Variants in EMSY observed in about 807,000 individuals in gnomAD.
EMSY encodes BRCA2-interacting transcriptional repressor EMSY.
In EMSY, 26 loss-of-function variants were observed where a neutral mutation model predicts 134.6. The observed-to-expected ratio is 0.19, with a 90% CI of 0.14 to 0.27. The LOEUF is 0.27. Among genes scored for constraint, EMSY ranks in the 10% least tolerant of loss-of-function variants. The pLI is 1.00. For missense variants in EMSY, 1,305 were observed against 1,611.4 expected (o/e 0.81, Z 3.26); for synonymous variants, 579 against 577.8 (o/e 1.00, Z -0.03).
intron 3 of EMSY, 140 bp from the exon 4 acceptor site, chr11:76,453,174 T>C (rs566316115): frequency 1.8e-4 from 108 of 600,582 alleles, no homozygotes; most frequent in Non-Finnish European, 2.4e-4. Flanking sequence ...AAGATATATA[T>C]ATTAGACTCC....
At chr11:76,494,834 C>G (rs987048108) in intron 8 of EMSY, among the ~76,000 whole-genome samples, 2 of 152,046 alleles carry the variant, frequency 1.3e-5, no homozygotes, top group Admixed American at 1.3e-4. Context: ...TTCCCAGGTT[C>G]AAGAGATTCT....
chr11:76,486,379 A>G (rs770451677), intron 8 of EMSY, among the ~76,000 whole-genome samples: 65 of 152,228 alleles, frequency 4.3e-4, no homozygotes, highest in Non-Finnish European at 6.8e-4. Flanking sequence ...CTGCACATCT[A>G]TCCCAGAACT....
chr11:76,549,879 T>TTC, intron 20 of EMSY, 73 bp from the exon 22 acceptor site: 1 of 1,316,670 alleles, frequency 7.6e-7, no homozygotes, highest in Non-Finnish European at 1.0e-6. Flanking sequence ...TTTTTTTTTT[T>TTC]CTTGATATTG....
chr11:76,542,103 A>G, intron 17 of EMSY, 113 bp from the exon 19 acceptor site: 1 of 1,380,666 alleles, frequency 7.2e-7, no homozygotes, highest in Non-Finnish European at 1.0e-6. Context: ...CTAGTTCACA[A>G]TACTACACTT....
At chr11:76,446,272 A>G (rs752056881) in intron 1 of EMSY, among the ~76,000 whole-genome samples, 2 of 151,166 alleles carry the variant, frequency 1.3e-5, no homozygotes, top group Non-Finnish European at 2.9e-5. Context: ...TACAGGATCA[A>G]AATTCATATT....
At chr11:76,485,292 C>T (rs938842363) in intron 8 of EMSY, among the ~76,000 whole-genome samples, 1 of 152,130 alleles carries the variant, frequency 6.6e-6, no homozygotes, top group Non-Finnish European at 1.5e-5. Flanking sequence ...ATGAAAAAAT[C>T]CTCAATAAAA....
intron 9 of EMSY, among the ~76,000 whole-genome samples, chr11:76,502,839 ATTG>A (rs1350437562): frequency 3.3e-5 from 5 of 152,196 alleles, no homozygotes; most frequent in African/African-American, 1.2e-4. Flanking sequence ...AAGATTTAAC[ATTG>A]TTAAGATGAC....
intron 9 of EMSY, among the ~76,000 whole-genome samples, chr11:76,501,675 T>A (rs74237463): frequency 0.01 from 1,557 of 152,048 alleles, 28 homozygotes; most frequent in East Asian, 0.059. Flanking sequence ...TGAAGAAAAG[T>A]TAACAGAGCT....
At chr11:76,544,162 T>C in intron 18 of EMSY, 97 bp from the exon 20 acceptor site, 1 of 1,272,980 alleles carries the variant, frequency 7.9e-7, no homozygotes, top group Non-Finnish European at 1.1e-6. Context: ...CTGAAAATTT[T>C]TGAGTGAATC....
chr11:76,550,190 A>G lies in EMSY; in HGVS notation c.*44A>G, dbSNP rs1212552882. ...CACTTTAAAACCTGCTTGGTTACCAAGTGTCCAGGGAAACCCTTGTATTTT... is the reference window on the plus strand; with the variant it reads ...CACTTTAAAACCTGCTTGGTTACCAGGTGTCCAGGGAAACCCTTGTATTTT... On this transcript the variant is annotated 3_prime_UTR_variant, in exon 21 of 21. Transcript: ENST00000334736. 5 of 1,476,882 alleles carry G rather than the reference A, an allele frequency of 3.4e-6. No individual in the cohort carries two copies. In the African/African-American group the frequency reaches 7.1e-5, roughly 21 times the overall value. 91.5% of individuals were successfully genotyped at this position (1,476,882 alleles called of 1,614,324 possible). A position where few individuals can be genotyped will look rare whatever the true frequency, so the allele number is the denominator to read the frequency against.
chr11:76,517,347 A>G (rs910548717), intron 11 of EMSY, among the ~76,000 whole-genome samples: 2 of 152,216 alleles, frequency 1.3e-5, no homozygotes, highest in African/African-American at 4.8e-5. Context: ...CCAGTAGGGA[A>G]AGAATCATTG....
intron 6 of EMSY, among the ~76,000 whole-genome samples, chr11:76,461,855 C>T (rs1420342265): frequency 6.6e-6 from 1 of 151,912 alleles, no homozygotes; most frequent in Non-Finnish European, 1.5e-5. Flanking sequence ...TCACTTGAAC[C>T]TGGGAGGCAG....
At chr11:76,488,011 G>A (rs1949259732) in intron 8 of EMSY, among the ~76,000 whole-genome samples, 1 of 151,952 alleles carries the variant, frequency 6.6e-6, no homozygotes, top group Admixed American at 6.6e-5. Flanking sequence ...AATGTTCTTT[G>A]AACTTCATAT....
chr11:76,461,472 C>G (rs1379299519), intron 6 of EMSY, among the ~76,000 whole-genome samples: 1 of 152,128 alleles, frequency 6.6e-6, no homozygotes, highest in Non-Finnish European at 1.5e-5. Flanking sequence ...TTTCATGTTT[C>G]TCACTTGATT....
chr11:76,445,843 C>T (rs890857594), intron 1 of EMSY, among the ~76,000 whole-genome samples: 4 of 152,160 alleles, frequency 2.6e-5, no homozygotes, highest in Non-Finnish European at 2.9e-5. Context: ...CTCCTCCCCA[C>T]CCCTTTTCTT....
chr11:76,522,475 C>G (rs1484848343), intron 11 of EMSY, among the ~76,000 whole-genome samples: 1 of 130,888 alleles, frequency 7.6e-6, no homozygotes, highest in African/African-American at 2.8e-5. Context: ...TCAAGCAATT[C>G]TTTTGCCTCA....
At chr11:76,449,910 T>C (rs1043512875) in intron 2 of EMSY, among the ~76,000 whole-genome samples, 6 of 152,234 alleles carry the variant, frequency 3.9e-5, no homozygotes, top group Admixed American at 2.6e-4. Flanking sequence ...ATTAGTAGTT[T>C]GGTTTGAGTT....
intron 7 of EMSY, 96 bp from the exon 9 acceptor site, chr11:76,472,468 C>T (rs1173499380): frequency 1.7e-6 from 2 of 1,189,810 alleles, no homozygotes; most frequent in Non-Finnish European, 2.3e-6. Context: ...CTTCGTTTTT[C>T]ATAAGCTATT....
In EMSY at chr11:76,528,315, T is replaced by C. The variant is rs200086169; in HGVS notation, c.2043T>C (p.Ser681=). The change falls in exon 14 of 21, where the codon AGT becomes AGC. Residue 681 remains serine (S), a synonymous_variant. Transcript: ENST00000334736. ...TGACTTTTCAAGCGACAGTTGTTAG[T>C]GAACAAACAAGACAGCTAGTAACAG... 1.9e-6 allele frequency: 3 copies of C among 1,613,682 alleles called. No homozygotes were observed. The Admixed American group carries it at 5.0e-5, about 27-fold the overall frequency.
Sources: gnomAD v4.1 joint callset for allele counts (sites outside exome capture counted in the v4.1 genomes callset) on GRCh38, gnomAD v4.1.1 for gene constraint, MANE v1.5 for transcripts, NCBI Gene and HGNC (gene_info 2026-07-23, HGNC 2026-07-21) for gene names.